The following KLHL29 variants were observed in gnomAD, a reference collection of about 807,000 sequenced individuals.
The protein encoded by KLHL29 is kelch-like protein 29.
KLHL29 carries 21 observed loss-of-function variants against 80.4 expected under a neutral mutation model. That is an observed-to-expected ratio of 0.26 (90% CI 0.19 to 0.38). The LOEUF (loss-of-function observed/expected upper bound fraction) is 0.38. KLHL29 is among the 10% of genes least tolerant of loss of function. The pLI is 1.00. For synonymous variants in KLHL29, 511 were observed against 526.8 expected, an observed-to-expected ratio of 0.97 and a Z score of 0.41; for missense variants, 867 against 1,223.9, an observed-to-expected ratio of 0.71 and a Z score of 4.35.
In KLHL29 at chr2:23,512,691, A is replaced by C. The variant is rs372596076; in HGVS notation, c.-46+37024A>C. ...AAATCCATTTTCCTTATCGTGATCT[A>C]TATAGCTCAGTGATTTTTCTGCTCT... On this transcript the variant is annotated intron_variant, in intron 2 of 13. Coordinates refer to ENST00000486442, the MANE Select transcript of KLHL29 (RefSeq NM_052920.2). Among the ~76,000 whole-genome samples the C allele has an allele frequency of 5.9e-5, 9 of 152,294 alleles. No individual in the cohort carries two copies. In the South Asian group the frequency reaches 1.5e-3, roughly 25 times the overall value.
chr2:23,401,123 C>T (rs949477338), intron 1 of KLHL29, among the ~76,000 whole-genome samples: 17 of 152,276 alleles, frequency 1.1e-4, no homozygotes, highest in African/African-American at 3.6e-4. Context: ...TGGGCAGTAC[C>T]TCATGTCATG....
chr2:23,570,446 C>T (rs1380524920), intron 3 of KLHL29, among the ~76,000 whole-genome samples: 1 of 152,240 alleles, frequency 6.6e-6, no homozygotes, highest in African/African-American at 2.4e-5. Context: ...AAACACTCTT[C>T]AGCCACCCAC....
In KLHL29 at chr2:23,551,711, C is replaced by T. The variant is rs576754874; in HGVS notation, c.-45-10441C>T. On this transcript the variant is annotated intron_variant, in intron 2 of 13. Transcript: ENST00000486442. ...AGGGCCGAATCCAGGCCTGCTAACT[C>T]GCCAGATCTTAGGCTGGTGCGTCTC... Among the ~76,000 whole-genome samples the T allele has an allele frequency of 1.8e-4, 27 of 152,360 alleles. No individual in the cohort carries two copies. In the South Asian group the frequency reaches 5.2e-3, roughly 29 times the overall value.
intron 2 of KLHL29, among the ~76,000 whole-genome samples, chr2:23,511,882 T>A (rs183589721): frequency 6.6e-6 from 1 of 152,190 alleles, no homozygotes; most frequent in Admixed American, 6.5e-5. Flanking sequence ...GGTGGCGAGT[T>A]CTGACTCCAG....
intron 3 of KLHL29, among the ~76,000 whole-genome samples, chr2:23,633,701 C>T (rs767628252): frequency 1.3e-5 from 2 of 151,416 alleles, no homozygotes; most frequent in Non-Finnish European, 2.9e-5. Context: ...AAAAGATAGG[C>T]CCAGGACTGG....
At chr2:23,563,833 AC>A (rs1020634418) in intron 3 of KLHL29, among the ~76,000 whole-genome samples, 2 of 152,130 alleles carry the variant, frequency 1.3e-5, no homozygotes, top group African/African-American at 4.8e-5. Flanking sequence ...TGAAAACACC[AC>A]CCCACTGAGG....
intron 1 of KLHL29, among the ~76,000 whole-genome samples, chr2:23,440,110 T>A: frequency 6.6e-6 from 1 of 152,094 alleles, no homozygotes; most frequent in Non-Finnish European, 1.5e-5. Context: ...TAAAGTCTGT[T>A]TTATCAGAGA....
intron 1 of KLHL29, among the ~76,000 whole-genome samples, chr2:23,418,017 G>C (rs1662641500): frequency 6.6e-6 from 1 of 152,198 alleles, no homozygotes. Flanking sequence ...ATTTCCTTGA[G>C]GGCAGGGTCT....
intron 1 of KLHL29, among the ~76,000 whole-genome samples, chr2:23,474,588 A>G (rs1268481592): frequency 6.6e-6 from 1 of 152,206 alleles, no homozygotes; most frequent in Non-Finnish European, 1.5e-5. Context: ...CTTCAGCTTG[A>G]AAATGGCTAT....
In KLHL29 at chr2:23,562,719, G is replaced by A. The variant is rs1011684369; in HGVS notation, c.285+238G>A. 2.6e-5 allele frequency among the ~76,000 whole-genome samples: 4 copies of A among 152,220 alleles called. No individual in the cohort carries two copies. Among genetic ancestry groups the A allele is most frequent in the Non-Finnish European group, 4.4e-5 (3 of 68,052 alleles). ...TGTAGGAAGACAAGCAGGTGCTGAG[G>A]CCACTCATTGTCCTATGCCATGTTG... On this transcript the variant is annotated intron_variant, in intron 3 of 13. Coordinates refer to ENST00000486442, the MANE Select transcript of KLHL29 (RefSeq NM_052920.2). This position sits in a 1 kb window ranked among gnomAD's most constrained non-coding sequence, Gnocchi z 4.5.
chr2:23,678,211 A>G (rs1478921354), intron 5 of KLHL29, among the ~76,000 whole-genome samples: 3 of 152,202 alleles, frequency 2.0e-5, no homozygotes, highest in Non-Finnish European at 4.4e-5. Context: ...CTCTAGGCAA[A>G]GCATCCAGCC....
At position 23,695,924 on chromosome 2, in the gene KLHL29, C is replaced by T. The variant is rs1290676090; in HGVS notation, c.1742-27C>T. 1 of 1,547,384 alleles carries T rather than the reference C, an allele frequency of 6.5e-7. No homozygotes were observed. Among genetic ancestry groups the T allele is most frequent in the Non-Finnish European group, 8.7e-7 (1 of 1,145,478 alleles). ...ATGCCGACAGTCTTAGAGTGTGTCC[C>T]AAGGGCGCCCATCCATGTCCCTGCA... On this transcript the variant is annotated intron_variant, in intron 9 of 13. Transcript: ENST00000486442. The surrounding 1 kb of genome is among the most constrained non-coding windows in gnomAD (Gnocchi z 7.6).
intron 1 of KLHL29, among the ~76,000 whole-genome samples, chr2:23,407,053 G>A (rs1666754416): frequency 1.3e-5 from 2 of 151,674 alleles, no homozygotes. Context: ...CTTCTCCCTT[G>A]TCATTATTCA....
intron 1 of KLHL29, among the ~76,000 whole-genome samples, chr2:23,405,312 G>A (rs1666697530): frequency 6.6e-6 from 1 of 151,972 alleles, no homozygotes; most frequent in Non-Finnish European, 1.5e-5. Context: ...GATGGAAACC[G>A]GGGAATTGAG....
intron 3 of KLHL29, among the ~76,000 whole-genome samples, chr2:23,577,458 G>C (rs1478765022): frequency 6.7e-6 from 1 of 149,962 alleles, no homozygotes; most frequent in African/African-American, 2.5e-5. Context: ...AAATAAAAGG[G>C]GGGTGGGGCC....
At chr2:23,649,003 C>A (rs1670015178) in intron 5 of KLHL29, among the ~76,000 whole-genome samples, 1 of 152,188 alleles carries the variant, frequency 6.6e-6, no homozygotes, top group Non-Finnish European at 1.5e-5. Flanking sequence ...AAGTCTTAAC[C>A]CAGTGCCTGG....
chr2:23,645,899 A>G (rs1339144337), intron 5 of KLHL29, among the ~76,000 whole-genome samples: 2 of 152,204 alleles, frequency 1.3e-5, no homozygotes, highest in Non-Finnish European at 2.9e-5. Flanking sequence ...ATTGTCTCTC[A>G]TCTGTGACTA....
At chr2:23,584,586 C>A (rs1668070339) in intron 3 of KLHL29, among the ~76,000 whole-genome samples, 1 of 152,222 alleles carries the variant, frequency 6.6e-6, no homozygotes, top group Non-Finnish European at 1.5e-5. Context: ...ACATTGTAAT[C>A]CCAAACTGGC....
chr2:23,516,211 T>C (rs1399191236), intron 2 of KLHL29, among the ~76,000 whole-genome samples: 3 of 151,648 alleles, frequency 2.0e-5, no homozygotes, highest in Middle Eastern at 3.4e-3. Context: ...GGCAGGGCTC[T>C]ACTTACAGAA....
Sources: gnomAD v4.1 joint callset for allele counts (sites outside exome capture counted in the v4.1 genomes callset) on GRCh38, gnomAD v4.1.1 for gene constraint, Gnocchi (gnomAD v3.1) non-coding constraint, MANE v1.5 for transcripts, NCBI Gene and HGNC (gene_info 2026-07-23, HGNC 2026-07-21) for gene names.